The following XKR9 variants were observed in gnomAD, a reference collection of about 807,000 sequenced individuals.
The protein encoded by XKR9 is XK related 9.
In XKR9, 32 loss-of-function variants were observed where a neutral mutation model predicts 32.0. That is an observed-to-expected ratio of 1.00 (90% CI 0.76 to 1.34). The LOEUF (loss-of-function observed/expected upper bound fraction) is 1.34. Among genes scored for constraint, XKR9 ranks in the 40% most tolerant of loss-of-function variants. XKR9 has a pLI of 0.00. For synonymous variants in XKR9, 168 were observed against 143.4 expected (o/e 1.17, Z -1.22); for missense variants, 546 against 429.7 (o/e 1.27, Z -2.39).
the XKR9 span, among the ~76,000 whole-genome samples, chr8:70,944,274 C>A: frequency 6.6e-6 from 1 of 152,130 alleles, no homozygotes; most frequent in East Asian, 1.9e-4. Context: ...TCTCAGTTCA[C>A]AGTGTAAAAT....
At chr8:70,951,953 G>A in the XKR9 span, among the ~76,000 whole-genome samples, 1 of 151,970 alleles carries the variant, frequency 6.6e-6, no homozygotes, top group Non-Finnish European at 1.5e-5. Flanking sequence ...TGAAGGAAGA[G>A]AACAGAATCC....
the XKR9 span, among the ~76,000 whole-genome samples, chr8:70,936,320 A>G: frequency 8.5e-5 from 13 of 152,080 alleles, no homozygotes; most frequent in Admixed American, 2.0e-4. Flanking sequence ...AGTTTACTTC[A>G]TTCAATTAAG....
At chr8:70,764,009 G>A (rs369348829) in intron 2 of XKR9, among the ~76,000 whole-genome samples, 7 of 152,176 alleles carry the variant, frequency 4.6e-5, no homozygotes, top group South Asian at 2.1e-4. Context: ...CTGATGCTGC[G>A]TCTGTCTCAA....
At chr8:70,793,560 G>T (rs745707521), downstream of XKR9, among the ~76,000 whole-genome samples, 18 of 152,058 alleles carry the variant, frequency 1.2e-4, no homozygotes, top group Non-Finnish European at 2.1e-4. Flanking sequence ...AGCTTCCAAA[G>T]AAATGAATCC....
intron 2 of XKR9, among the ~76,000 whole-genome samples, chr8:70,750,145 G>T (rs965468048): frequency 6.6e-6 from 1 of 151,978 alleles, no homozygotes; most frequent in African/African-American, 2.4e-5. Flanking sequence ...TTGCTTTAAG[G>T]TTAAACAATG....
rs950886661 is a variant in XKR9, at chr8:70,706,946, T to C, written c.286T>C (p.Leu96=). 3.7e-6 allele frequency: 6 copies of C among 1,612,018 alleles called. No homozygotes were observed. Among genetic ancestry groups the C allele is most frequent in the African/African-American group, 1.3e-5 (1 of 74,978 alleles). The change falls in exon 4 of 5, where the codon TTA becomes CTA. Residue 96 remains leucine, a synonymous_variant. Coordinates refer to ENST00000408926, the MANE Select transcript of XKR9 (RefSeq NM_001011720.2). ...GGVFTRYWFA[L]KRGYHAAFKY... ...TTTACTTTATAGGTATTGGTTTGCC[T>C]TAAAAAGGGGTTACCATGCAGCTTT...
chr8:70,909,703 CTTTTTTTT>C, the XKR9 span, among the ~76,000 whole-genome samples: 50 of 91,210 alleles, frequency 5.5e-4, no homozygotes, highest in African/African-American at 1.8e-3. Context: ...TCGATTTATC[CTTTTTTTT>C]TTTTTTTTTT....
chr8:70,819,682 C>G, the XKR9 span, among the ~76,000 whole-genome samples: 26 of 152,132 alleles, frequency 1.7e-4, no homozygotes, highest in Admixed American at 5.2e-4. Context: ...TATGAAGGTA[C>G]TTTGTATCCT....
At chr8:71,024,475 G>A in the XKR9 span, among the ~76,000 whole-genome samples, 3 of 152,228 alleles carry the variant, frequency 2.0e-5, no homozygotes, top group Non-Finnish European at 2.9e-5. Context: ...GGGCTACTGG[G>A]CCCTGTGGCA....
chr8:70,725,679 G>A (rs1266994232), intron 4 of XKR9, among the ~76,000 whole-genome samples: 2 of 152,154 alleles, frequency 1.3e-5, no homozygotes, highest in African/African-American at 4.8e-5. Flanking sequence ...GCTGAGGCGA[G>A]CAGATCACTT....
At chr8:70,789,554 G>C (rs1163508764) in intron 3 of XKR9, 3 of 151,846 alleles carry the variant, frequency 2.0e-5, no homozygotes, top group Non-Finnish European at 2.9e-5. Context: ...GAGATGAGGA[G>C]GTAACTATTA....
At chr8:71,019,188 T>C in the XKR9 span, among the ~76,000 whole-genome samples, 2 of 152,280 alleles carry the variant, frequency 1.3e-5, no homozygotes, top group East Asian at 1.9e-4. Flanking sequence ...ATCAATAAGG[T>C]ATTTTATAGA....
intron 3 of XKR9, among the ~76,000 whole-genome samples, chr8:70,692,191 T>C (rs1466287492): frequency 6.6e-6 from 1 of 152,166 alleles, no homozygotes; most frequent in Admixed American, 6.5e-5. Flanking sequence ...GTGAATGGTA[T>C]TGCCTTTCTT....
the XKR9 span, among the ~76,000 whole-genome samples, chr8:71,009,342 T>C: frequency 6.6e-6 from 1 of 152,294 alleles, no homozygotes; most frequent in East Asian, 1.9e-4. Context: ...TTGTTTTTTG[T>C]TTTTTGCTCA....
chr8:70,812,132 T>A, the XKR9 span, among the ~76,000 whole-genome samples: 14 of 152,170 alleles, frequency 9.2e-5, no homozygotes, highest in African/African-American at 2.9e-4. Context: ...CAAGGCTAGT[T>A]CAACATACGC....
At chr8:70,876,727 A>T in the XKR9 span, among the ~76,000 whole-genome samples, 4 of 152,106 alleles carry the variant, frequency 2.6e-5, no homozygotes, top group African/African-American at 9.7e-5. Context: ...TAACACCTTC[A>T]CTCAGAAACC....
At chr8:70,758,323 A>G (rs1018168790) in intron 2 of XKR9, among the ~76,000 whole-genome samples, 1 of 152,172 alleles carries the variant, frequency 6.6e-6, no homozygotes, top group Non-Finnish European at 1.5e-5. Flanking sequence ...GTAAACTCCA[A>G]TAATTGCCAG....
intron 3 of XKR9, among the ~76,000 whole-genome samples, chr8:70,695,105 G>A (rs994635471): frequency 6.6e-6 from 1 of 150,634 alleles, no homozygotes; most frequent in Non-Finnish European, 1.5e-5. Context: ...GTTCCCAGGT[G>A]GCCGTTGTCC....
downstream of XKR9, among the ~76,000 whole-genome samples, chr8:70,795,048 G>A (rs930198458): frequency 6.6e-6 from 1 of 151,808 alleles, no homozygotes; most frequent in African/African-American, 2.4e-5. Context: ...GTGTCATGGG[G>A]GTTTATTGTA....
Sources: allele counts gnomAD v4.1 joint callset (sites outside exome capture counted in the v4.1 genomes callset), GRCh38; gene constraint gnomAD v4.1.1; transcripts MANE v1.5; gene names NCBI Gene and HGNC (gene_info 2026-07-23, HGNC 2026-07-21).